Variants in SNX29 observed in about 807,000 individuals in gnomAD.
SNX29 encodes the protein sorting nexin 29.
SNX29 carries 78 observed loss-of-function variants against 102.1 expected under a neutral mutation model. The ratio of observed to expected loss-of-function variants is 0.76; its 90% CI spans 0.64 to 0.92. The LOEUF (loss-of-function observed/expected upper bound fraction) is 0.92. Among genes scored for constraint, SNX29 ranks in the 40% least tolerant of loss-of-function variants. The pLI is 0.00. For synonymous variants in SNX29, 580 were observed against 414.5 expected (o/e 1.40, Z -4.85); for missense variants, 1,280 against 1,061.7 (o/e 1.21, Z -2.86).
rs181539329 is a variant in SNX29, at chr16:12,263,630, C to T, written c.1679-14303C>T. On this transcript the variant is annotated intron_variant, in intron 14 of 20. Transcript: ENST00000566228. ...TTTTCCCTGCAGTGAACATATGTTA[C>T]TTATATAATTTGAGAAAATAAACTT... is the stretch of plus-strand genomic sequence containing the variant. 2.0e-5 allele frequency among the ~76,000 whole-genome samples: 3 copies of T among 152,184 alleles called. No homozygotes were observed. The East Asian group carries it at 5.8e-4, about 29-fold the overall frequency.
chr16:12,542,053 ATATTCCTAGTCACCAGT>A (rs769446557), intron 20 of SNX29, among the ~76,000 whole-genome samples: 77 of 152,222 alleles, frequency 5.1e-4, no homozygotes, highest in Admixed American at 4.1e-3. Flanking sequence ...TTTGGCAAAG[ATATTCCTAGTCACCAGT>A]TAGTCCAAAT....
At chr16:12,437,889 C>T (rs558500470) in intron 18 of SNX29, among the ~76,000 whole-genome samples, 1 of 152,286 alleles carries the variant, frequency 6.6e-6, no homozygotes, top group East Asian at 1.9e-4. Context: ...CTGGCATCTT[C>T]ATGCTGGGCT....
At chr16:12,414,662 T>G (rs2084550813) in intron 18 of SNX29, among the ~76,000 whole-genome samples, 2 of 152,218 alleles carry the variant, frequency 1.3e-5, no homozygotes, top group South Asian at 4.1e-4. Context: ...GCAAAGACAT[T>G]TTCCTGCCTG....
intron 11 of SNX29, among the ~76,000 whole-genome samples, chr16:12,082,409 G>C (rs973173989): frequency 5.3e-5 from 8 of 152,166 alleles, no homozygotes; most frequent in African/African-American, 1.9e-4. Flanking sequence ...TCCACATAGA[G>C]CATGGTGTCT....
chr16:12,329,844 T>A (rs1368334292), intron 15 of SNX29, among the ~76,000 whole-genome samples: 1 of 152,240 alleles, frequency 6.6e-6, no homozygotes, highest in African/African-American at 2.4e-5. Context: ...AGCACAAAGA[T>A]CACTGTTCCT....
At chr16:12,217,556 G>A (rs145306863) in intron 14 of SNX29, among the ~76,000 whole-genome samples, 239 of 152,308 alleles carry the variant, frequency 1.6e-3, no homozygotes, top group African/African-American at 5.1e-3. Flanking sequence ...TCTGCCACCC[G>A]TAGGTGAGGC....
At chr16:12,433,105 T>C (rs549204867) in intron 18 of SNX29, among the ~76,000 whole-genome samples, 1 of 152,184 alleles carries the variant, frequency 6.6e-6, no homozygotes, top group African/African-American at 2.4e-5. Context: ...TTCTGAAAAG[T>C]TGTGTGTGTC....
In SNX29 at chr16:12,371,855, G is replaced by A. The variant is rs183479323; in HGVS notation, c.1899+15576G>A. On this transcript the variant is annotated intron_variant, in intron 16 of 20. Transcript: ENST00000566228. ...TCTCGCCTTCGCCCTATGTCTTTTC[G>A]TCTGCTCTTTCTCCACCGAGTCCTG... Among the ~76,000 whole-genome samples, 10 of 152,156 alleles carry A rather than the reference G, an allele frequency of 6.6e-5. No individual in the cohort carries two copies. In the East Asian group the frequency reaches 1.2e-3, roughly 18 times the overall value.
intron 13 of SNX29, among the ~76,000 whole-genome samples, chr16:12,179,962 C>T (rs2076345169): frequency 6.6e-6 from 1 of 152,188 alleles, no homozygotes; most frequent in Non-Finnish European, 1.5e-5. Context: ...GTCATTCCGT[C>T]AGTATTTTCA....
At chr16:12,437,379 T>A (rs541757933) in intron 18 of SNX29, among the ~76,000 whole-genome samples, 100 of 152,308 alleles carry the variant, frequency 6.6e-4, no homozygotes, top group Non-Finnish European at 5.9e-5. Context: ...ATTCCCTGTC[T>A]CATAGCGGGG....
intron 13 of SNX29, among the ~76,000 whole-genome samples, chr16:12,168,392 T>C (rs1282085903): frequency 6.6e-6 from 1 of 152,198 alleles, no homozygotes; most frequent in African/African-American, 2.4e-5. Context: ...TAAGGAACCC[T>C]TGTCACGGGT....
At chr16:12,515,257 T>C (rs954702250) in intron 19 of SNX29, among the ~76,000 whole-genome samples, 2 of 152,214 alleles carry the variant, frequency 1.3e-5, no homozygotes, top group Admixed American at 1.3e-4. Flanking sequence ...TCGCTTTGCA[T>C]GTCTTTTCCA....
At chr16:11,996,077 A>G (rs572777765) in intron 1 of SNX29, among the ~76,000 whole-genome samples, 21 of 148,860 alleles carry the variant, frequency 1.4e-4, no homozygotes, top group Admixed American at 1.0e-3. Context: ...AAAAAAAAAG[A>G]GTTAGGCCCC....
At chr16:12,222,727 C>T (rs1312387056) in intron 14 of SNX29, among the ~76,000 whole-genome samples, 1 of 152,156 alleles carries the variant, frequency 6.6e-6, no homozygotes, top group Non-Finnish European at 1.5e-5. Context: ...CGCCACCATG[C>T]CCAGCTAATT....
At chr16:12,207,240 G>A (rs376756803) in intron 14 of SNX29, among the ~76,000 whole-genome samples, 1 of 152,076 alleles carries the variant, frequency 6.6e-6, no homozygotes, top group East Asian at 1.9e-4. Flanking sequence ...GTGGTGGCAG[G>A]CGCCTGTAAT....
intron 18 of SNX29, among the ~76,000 whole-genome samples, chr16:12,410,408 T>C (rs11862378): frequency 0.56 from 85,380 of 152,026 alleles, 24,520 homozygotes; most frequent in Non-Finnish European, 0.63. Context: ...TCTTCCCATC[T>C]CCCATCCTGC....
chr16:12,082,958 G>A (rs1350815992), intron 11 of SNX29, among the ~76,000 whole-genome samples: 2 of 152,100 alleles, frequency 1.3e-5, no homozygotes, highest in African/African-American at 2.4e-5. Flanking sequence ...CGGGGTATTT[G>A]CTTGGGCTAC....
At chr16:12,055,987 T>C (rs1437333325) in intron 8 of SNX29, among the ~76,000 whole-genome samples, 1 of 152,194 alleles carries the variant, frequency 6.6e-6, no homozygotes, top group Non-Finnish European at 1.5e-5. Context: ...GTTTAAGCGA[T>C]TCTCCTGCCT....
chr16:12,015,239 C>G (rs1031685140), intron 3 of SNX29, among the ~76,000 whole-genome samples: 2 of 150,938 alleles, frequency 1.3e-5, no homozygotes, highest in Non-Finnish European at 3.0e-5. Context: ...AGTTATAGTT[C>G]TTTTTTTTTA....
Sources: gnomAD v4.1 joint callset for allele counts (sites outside exome capture counted in the v4.1 genomes callset) on GRCh38, gnomAD v4.1.1 for gene constraint, MANE v1.5 for transcripts, NCBI Gene and HGNC (gene_info 2026-07-23, HGNC 2026-07-21) for gene names.